Variants in CAMK4 observed in about 807,000 individuals in gnomAD.
CAMK4 encodes calcium/calmodulin-dependent protein kinase type IV.
Under a neutral mutation model 44.9 loss-of-function variants are expected in CAMK4, and 22 were observed. The observed-to-expected ratio is 0.49, with a 90% CI of 0.35 to 0.70. The LOEUF (loss-of-function observed/expected upper bound fraction) is 0.70, where lower values mean the gene tolerates loss of function less well. Ranked by LOEUF, CAMK4 falls within the 30% of genes least tolerant of loss-of-function variation. CAMK4 has a pLI of 0.01. For missense variants in CAMK4, 498 were observed against 586.8 expected (o/e 0.85, Z 1.56); for synonymous variants, 218 against 215.4 (o/e 1.01, Z -0.11).
chr5:111,336,241 T>C (rs1252126928), intron 1 of CAMK4, among the ~76,000 whole-genome samples: 1 of 151,272 alleles, frequency 6.6e-6, no homozygotes, highest in African/African-American at 2.4e-5. Context: ...CTCTAATGTA[T>C]AATCTCCTTG....
chr5:111,455,040 C>G (rs935315544), intron 7 of CAMK4, among the ~76,000 whole-genome samples: 5 of 152,170 alleles, frequency 3.3e-5, no homozygotes, highest in Admixed American at 6.5e-5. Context: ...GTCCTACTGG[C>G]ATAACTCAGA....
At chr5:111,417,026 T>C (rs1412343693) in intron 5 of CAMK4, among the ~76,000 whole-genome samples, 1 of 152,138 alleles carries the variant, frequency 6.6e-6, no homozygotes, top group African/African-American at 2.4e-5. Flanking sequence ...TAAATAAATA[T>C]TGGATTCAAT....
intron 5 of CAMK4, among the ~76,000 whole-genome samples, chr5:111,436,568 C>T (rs1299471541): frequency 2.2e-4 from 34 of 152,218 alleles, no homozygotes; most frequent in Non-Finnish European, 2.9e-5. Flanking sequence ...AGCAACAAAG[C>T]ACACACATAA....
intron 2 of CAMK4, among the ~76,000 whole-genome samples, chr5:111,365,713 C>A (rs1750768239): frequency 6.6e-6 from 1 of 151,896 alleles, no homozygotes; most frequent in Non-Finnish European, 1.5e-5. Flanking sequence ...CTTCATGGAC[C>A]AAAAACAAGT....
rs374581815 is a variant in CAMK4 at position 111,376,917 on chromosome 5, G to T, written c.361G>T (p.Val121Phe). The T allele has an allele frequency of 1.2e-6, 2 of 1,606,110 alleles. No homozygotes were observed. Among genetic ancestry groups the T allele is most frequent in the East Asian group, 2.2e-5 (1 of 44,488 alleles). The change falls in exon 4 of 11, where the codon GTC becomes TTC. Residue 121 changes from valine to phenylalanine, a missense_variant. Physicochemically the swap from Val to Phe is conservative, Grantham distance 50. Coordinates refer to ENST00000282356, the MANE Select transcript of CAMK4 (RefSeq NM_001744.6). ...AGAAATCAGTCTGGTCCTAGAACTC[G>T]TCACAGGAGGAGAACTGTTTGATAG... ...PTEISLVLELVTGGELFDRIV... is the reference protein window; with the variant it reads ...PTEISLVLELFTGGELFDRIV...
chr5:111,375,871 A>T (rs1751195271), intron 3 of CAMK4, among the ~76,000 whole-genome samples: 1 of 152,042 alleles, frequency 6.6e-6, no homozygotes, highest in Non-Finnish European at 1.5e-5. Flanking sequence ...TCACATCTAT[A>T]TTCAAAATAG....
intron 7 of CAMK4, among the ~76,000 whole-genome samples, chr5:111,453,660 T>C (rs1754315667): frequency 6.6e-6 from 1 of 151,100 alleles, no homozygotes; most frequent in African/African-American, 2.4e-5. Context: ...AAAAGAAAAG[T>C]GTATTAAACT....
intron 2 of CAMK4, among the ~76,000 whole-genome samples, chr5:111,372,749 C>G (rs908991393): frequency 1.3e-5 from 2 of 152,078 alleles, no homozygotes; most frequent in African/African-American, 4.8e-5. Flanking sequence ...GTTTAGTGTC[C>G]GTGGAAGACT....
At chr5:111,228,341 A>G (rs1267485100) in intron 1 of CAMK4, among the ~76,000 whole-genome samples, 1 of 152,190 alleles carries the variant, frequency 6.6e-6, no homozygotes, top group Non-Finnish European at 1.5e-5. Context: ...CCCCACTGCA[A>G]TGTAATTTTA....
At chr5:111,401,074 G>C (rs993446348) in intron 5 of CAMK4, among the ~76,000 whole-genome samples, 1 of 152,138 alleles carries the variant, frequency 6.6e-6, no homozygotes, top group African/African-American at 2.4e-5. Context: ...ATTTCAAAGT[G>C]TGACTTTGGA....
chr5:111,312,680 G>T (rs1225767979), intron 1 of CAMK4, among the ~76,000 whole-genome samples: 1 of 152,138 alleles, frequency 6.6e-6, no homozygotes, highest in East Asian at 1.9e-4. Flanking sequence ...AGATTCTTTA[G>T]GTTGTGCCTT....
intron 1 of CAMK4, among the ~76,000 whole-genome samples, chr5:111,239,861 G>A (rs1748907727): frequency 6.6e-6 from 1 of 152,222 alleles, no homozygotes; most frequent in Non-Finnish European, 1.5e-5. Flanking sequence ...GGAGGCCTTA[G>A]TAATTCTCTG....
chr5:111,436,345 G>A (rs1156421054), intron 5 of CAMK4, among the ~76,000 whole-genome samples: 1 of 152,122 alleles, frequency 6.6e-6, no homozygotes, highest in East Asian at 1.9e-4. Context: ...AGTATGTAGA[G>A]GAGACTCATG....
At chr5:111,247,302 AATT>A (rs1248510648) in intron 1 of CAMK4, among the ~76,000 whole-genome samples, 7 of 147,750 alleles carry the variant, frequency 4.7e-5, no homozygotes, top group Non-Finnish European at 9.0e-5. Flanking sequence ...ATTAAATATA[AATT>A]ATTTTTATAT....
In CAMK4 at chr5:111,447,442, A is replaced by G. The variant is rs571551432; in HGVS notation, c.550+666A>G. On this transcript the variant is annotated intron_variant, in intron 6 of 10. Coordinates refer to ENST00000282356, the MANE Select transcript of CAMK4 (RefSeq NM_001744.6). ...GTTAACATATAAATTTACATATTAT[A>G]TCATATTCTATGAGACTTTTTTAAA... Among the ~76,000 whole-genome samples the G allele has an allele frequency of 7.1e-4, 108 of 152,356 alleles. 1 individual carries two copies. The highest frequency in any genetic ancestry group is 1.4e-3 in the Non-Finnish European group (92 of 68,034).
chr5:111,305,153 C>T (rs1255058253), intron 1 of CAMK4, among the ~76,000 whole-genome samples: 3 of 95,282 alleles, frequency 3.1e-5, no homozygotes, highest in Admixed American at 1.2e-4. Flanking sequence ...AGGAAAGATC[C>T]AAAATTGACA....
chr5:111,280,093 T>C (rs1750946607), intron 1 of CAMK4, among the ~76,000 whole-genome samples: 1 of 152,216 alleles, frequency 6.6e-6, no homozygotes, highest in African/African-American at 2.4e-5. Context: ...GCAGTTTTCA[T>C]GAAAAGAACG....
intron 8 of CAMK4, among the ~76,000 whole-genome samples, chr5:111,476,441 C>G (rs935071550): frequency 8.6e-5 from 13 of 151,918 alleles, no homozygotes; most frequent in African/African-American, 3.1e-4. Flanking sequence ...CCATGCCCAG[C>G]TAATTTTTTG....
At chr5:111,480,904 A>G (rs1026664179) in intron 9 of CAMK4, among the ~76,000 whole-genome samples, 1 of 152,118 alleles carries the variant, frequency 6.6e-6, no homozygotes, top group East Asian at 1.9e-4. Flanking sequence ...TTAGTTTATC[A>G]CTGCTTAAAA....
Sources: gnomAD v4.1 joint callset for allele counts (sites outside exome capture counted in the v4.1 genomes callset) on GRCh38, gnomAD v4.1.1 for gene constraint, MANE v1.5 for transcripts, NCBI Gene and HGNC (gene_info 2026-07-23, HGNC 2026-07-21) for gene names.